Variants in TUSC3 observed in about 807,000 individuals in gnomAD.
TUSC3 encodes the protein tumor suppressor candidate 3.
In TUSC3, 45 loss-of-function variants were observed where a neutral mutation model predicts 44.8. The ratio of observed to expected loss-of-function variants is 1.00; its 90% CI spans 0.79 to 1.29. The LOEUF (loss-of-function observed/expected upper bound fraction) is 1.29, where lower values mean the gene tolerates loss of function less well. Among genes scored for constraint, TUSC3 ranks in the 50% most tolerant of loss-of-function variants. The probability of loss-of-function intolerance (pLI) is 0.00; values close to 1 mark genes in which losing one functional copy is unlikely to be tolerated. For missense variants in TUSC3, 519 were observed against 437.9 expected, an observed-to-expected ratio of 1.19 and a Z score of -1.65; for synonymous variants, 212 against 152.9, an observed-to-expected ratio of 1.39 and a Z score of -2.85.
chr8:15,817,603 C>T, the TUSC3 span, among the ~76,000 whole-genome samples: 18 of 151,710 alleles, frequency 1.2e-4, no homozygotes, highest in Non-Finnish European at 2.5e-4. Flanking sequence ...GGTTTCCCCT[C>T]CACCTCTGCT....
chr8:15,821,778 CTTGT>C, the TUSC3 span, among the ~76,000 whole-genome samples: 26,538 of 150,358 alleles, frequency 0.18, 2,448 homozygotes, highest in Admixed American at 0.28. Context: ...CTTTTATATA[CTTGT>C]TTGTTTGTGT....
intron 1 of TUSC3, among the ~76,000 whole-genome samples, chr8:15,435,290 T>G (rs1300781527): frequency 1.3e-5 from 2 of 152,166 alleles, no homozygotes; most frequent in Admixed American, 1.3e-4. Context: ...TGGCCAGTGA[T>G]GATGAGCATT....
At chr8:15,622,470 C>G (rs1164197022) in intron 1 of TUSC3, among the ~76,000 whole-genome samples, 2 of 152,050 alleles carry the variant, frequency 1.3e-5, no homozygotes, top group East Asian at 1.9e-4. Flanking sequence ...AGTGCTGTCT[C>G]CTCCCAAACC....
chr8:15,588,016 A>G (rs1027335690), intron 1 of TUSC3, among the ~76,000 whole-genome samples: 6 of 152,142 alleles, frequency 3.9e-5, no homozygotes, highest in African/African-American at 1.4e-4. Flanking sequence ...CATTGCAGTA[A>G]ACATGGGGCT....
At chr8:15,812,864 G>A in the TUSC3 span, among the ~76,000 whole-genome samples, 1 of 152,170 alleles carries the variant, frequency 6.6e-6, no homozygotes, top group Non-Finnish European at 1.5e-5. Context: ...GGGAGGCCAA[G>A]GAGGGCAGAT....
intron 2 of TUSC3, among the ~76,000 whole-genome samples, chr8:15,509,958 C>T (rs963120886): frequency 1.3e-5 from 2 of 152,090 alleles, no homozygotes; most frequent in Admixed American, 1.3e-4. Context: ...TTGCTTGGGG[C>T]CAAGAGTTTG....
At chr8:15,758,213 T>C in intron 10 of TUSC3, 1 of 1,015,842 alleles carries the variant, frequency 9.8e-7, no homozygotes. Flanking sequence ...CCAAATCTTT[T>C]TTCCCATTAA....
chr8:15,473,733 T>C (rs538970886), intron 1 of TUSC3, among the ~76,000 whole-genome samples: 1 of 152,172 alleles, frequency 6.6e-6, no homozygotes, highest in African/African-American at 2.4e-5. Context: ...GGTCACAAGA[T>C]CACATGCTTC....
At chr8:15,508,457 CTTTTT>C (rs1200727081) in intron 2 of TUSC3, among the ~76,000 whole-genome samples, 4,518 of 79,586 alleles carry the variant, frequency 0.057, 87 homozygotes, top group East Asian at 0.15. Flanking sequence ...TCGAAGCTTC[CTTTTT>C]TTTTTTTTTT....
the TUSC3 span, among the ~76,000 whole-genome samples, chr8:15,825,365 T>A: frequency 6.6e-6 from 1 of 152,128 alleles, no homozygotes; most frequent in Non-Finnish European, 1.5e-5. Context: ...TCTTACATGG[T>A]GGCAGGCAAG....
chr8:15,562,885 A>C (rs759562620), intron 1 of TUSC3, among the ~76,000 whole-genome samples: 4 of 152,190 alleles, frequency 2.6e-5, no homozygotes, highest in Non-Finnish European at 5.9e-5. Context: ...TCTCTCATTT[A>C]AATAACTCAG....
At chr8:15,640,548 A>G (rs1161195893) in intron 2 of TUSC3, among the ~76,000 whole-genome samples, 1 of 152,186 alleles carries the variant, frequency 6.6e-6, no homozygotes, top group East Asian at 1.9e-4. Flanking sequence ...TATTCATTTT[A>G]GTTTTTATTT....
chr8:15,810,700 G>C, the TUSC3 span, among the ~76,000 whole-genome samples: 1 of 152,104 alleles, frequency 6.6e-6, no homozygotes, highest in African/African-American at 2.4e-5. Context: ...ATATTTCTTT[G>C]ACAAATTTTG....
intron 1 of TUSC3, among the ~76,000 whole-genome samples, chr8:15,467,293 A>G (rs1340209173): frequency 6.6e-6 from 1 of 151,846 alleles, no homozygotes; most frequent in Non-Finnish European, 1.5e-5. Flanking sequence ...AAAAAAAAAA[A>G]AAAGTGTGTC....
intron 6 of TUSC3, among the ~76,000 whole-genome samples, chr8:15,708,108 A>G (rs2129198360): frequency 6.6e-6 from 1 of 152,082 alleles, no homozygotes; most frequent in Admixed American, 6.6e-5. Context: ...GTTTCCAAAT[A>G]AGGTCACAGT....
intron 1 of TUSC3, among the ~76,000 whole-genome samples, chr8:15,451,889 C>T (rs1800200657): frequency 6.6e-6 from 1 of 151,956 alleles, no homozygotes; most frequent in African/African-American, 2.4e-5. Context: ...TTTTGGTGAC[C>T]AGAAGTGTTG....
chr8:15,647,573 G>A (rs1302636649), intron 2 of TUSC3, among the ~76,000 whole-genome samples: 2 of 151,956 alleles, frequency 1.3e-5, no homozygotes, highest in Admixed American at 6.6e-5. Context: ...GCTTCTTTAC[G>A]TCTTCTCTCC....
intron 2 of TUSC3, among the ~76,000 whole-genome samples, chr8:15,502,300 ATATC>A (rs1195434660): frequency 6.6e-6 from 1 of 152,190 alleles, no homozygotes; most frequent in Non-Finnish European, 1.5e-5. Flanking sequence ...AAATTGTTAA[ATATC>A]TAAGCAATAT....
chr8:15,736,378 A>G (rs1274455517), intron 7 of TUSC3, among the ~76,000 whole-genome samples: 2 of 152,220 alleles, frequency 1.3e-5, no homozygotes, highest in African/African-American at 2.4e-5. Context: ...TTTTGAAACC[A>G]TAATTGGAAG....
Sources: allele counts gnomAD v4.1 joint callset (sites outside exome capture counted in the v4.1 genomes callset), GRCh38; gene constraint gnomAD v4.1.1; transcripts MANE v1.5; gene names NCBI Gene and HGNC (gene_info 2026-07-23, HGNC 2026-07-21).